Variants in NFIA observed in about 807,000 individuals in gnomAD.
The protein encoded by NFIA is nuclear factor I A.
A neutral mutation model predicts 62.8 loss-of-function variants in NFIA; 8 were observed. The observed-to-expected ratio is 0.13, with a 90% CI of 0.07 to 0.23. The LOEUF (loss-of-function observed/expected upper bound fraction) is 0.23, where lower values mean the gene tolerates loss of function less well. Ranked by LOEUF, NFIA falls within the 10% of genes least tolerant of loss-of-function variation. The probability of loss-of-function intolerance (pLI) is 1.00; values close to 1 mark genes in which losing one functional copy is unlikely to be tolerated. For synonymous variants in NFIA, 235 were observed against 238.1 expected (o/e 0.99, Z 0.12); for missense variants, 410 against 642.1 (o/e 0.64, Z 3.91).
chr1:61,296,345 T>C (rs1659188831), intron 3 of NFIA, among the ~76,000 whole-genome samples: 1 of 152,220 alleles, frequency 6.6e-6, no homozygotes, highest in African/African-American at 2.4e-5. Context: ...ATTGAGTATG[T>C]TCTCCCCATT....
chr1:61,273,568 A>G (rs1657639033), intron 2 of NFIA, among the ~76,000 whole-genome samples: 1 of 152,216 alleles, frequency 6.6e-6, no homozygotes, highest in Non-Finnish European at 1.5e-5. Context: ...GTGGTTCAGT[A>G]TCAGAAAGCT....
intron 3 of NFIA, among the ~76,000 whole-genome samples, chr1:61,299,835 G>C (rs997856790): frequency 6.6e-6 from 1 of 152,134 alleles, no homozygotes. Flanking sequence ...TAAACAGAAA[G>C]AAAGTAACAA....
At chr1:61,188,703 C>G (rs1415900034) in intron 2 of NFIA, among the ~76,000 whole-genome samples, 1 of 152,162 alleles carries the variant, frequency 6.6e-6, no homozygotes, top group African/African-American at 2.4e-5. Context: ...ATGTAGAAAT[C>G]AGTCATTTAG....
At chr1:61,101,181 A>G (rs1646501844) in intron 2 of NFIA, among the ~76,000 whole-genome samples, 2 of 152,052 alleles carry the variant, frequency 1.3e-5, no homozygotes, top group South Asian at 4.1e-4. Flanking sequence ...ACATCACCTG[A>G]GGTCGGGAGT....
At chr1:61,341,264 C>T (rs1236476918) in intron 4 of NFIA, among the ~76,000 whole-genome samples, 2 of 151,806 alleles carry the variant, frequency 1.3e-5, no homozygotes, top group South Asian at 2.1e-4. Context: ...GGGGTTTCAC[C>T]GTGGTCTCGA....
chr1:61,099,240 C>T (rs948570418), intron 2 of NFIA, among the ~76,000 whole-genome samples: 2 of 152,098 alleles, frequency 1.3e-5, no homozygotes, highest in Non-Finnish European at 2.9e-5. Context: ...GCGGTTGAAT[C>T]TTGGAGGTGC....
At chr1:61,198,000 A>G (rs1652157989) in intron 2 of NFIA, among the ~76,000 whole-genome samples, 1 of 152,144 alleles carries the variant, frequency 6.6e-6, no homozygotes, top group Non-Finnish European at 1.5e-5. Flanking sequence ...AAAGAGAGAA[A>G]GAAGAAAGAA....
At chr1:61,183,736 A>G (rs1442780312) in intron 2 of NFIA, among the ~76,000 whole-genome samples, 1 of 152,138 alleles carries the variant, frequency 6.6e-6, no homozygotes, top group African/African-American at 2.4e-5. Context: ...TGCAGTGTTC[A>G]ACTGGTCAGG....
chr1:61,242,035 C>G (rs1655380201), intron 2 of NFIA, among the ~76,000 whole-genome samples: 1 of 152,104 alleles, frequency 6.6e-6, no homozygotes, highest in Non-Finnish European at 1.5e-5. Flanking sequence ...TTATATACAA[C>G]AGGTTTAAGA....
chr1:61,418,419 C>T (rs1295105334), intron 9 of NFIA, among the ~76,000 whole-genome samples: 1 of 151,944 alleles, frequency 6.6e-6, no homozygotes, highest in East Asian at 1.9e-4. Flanking sequence ...ATGTTAAAGC[C>T]ACTGCACTCT....
At chr1:61,441,105 T>C (rs537250665) in intron 10 of NFIA, among the ~76,000 whole-genome samples, 1 of 152,084 alleles carries the variant, frequency 6.6e-6, no homozygotes, top group African/African-American at 2.4e-5. Flanking sequence ...CTGTTATGAG[T>C]GAAGGAAGGG....
intron 2 of NFIA, among the ~76,000 whole-genome samples, chr1:61,188,371 C>G (rs1651359556): frequency 6.6e-6 from 1 of 152,134 alleles, no homozygotes; most frequent in Non-Finnish European, 1.5e-5. Context: ...ACAAAAACAT[C>G]TATTGTGTCA....
At chr1:61,157,687 C>G (rs1467139405) in intron 2 of NFIA, among the ~76,000 whole-genome samples, 2 of 152,166 alleles carry the variant, frequency 1.3e-5, no homozygotes, top group Non-Finnish European at 2.9e-5. Flanking sequence ...TTCTTTTACT[C>G]TGTAACCGGC....
chr1:61,406,811 T>C (rs962343738), intron 9 of NFIA, 84 bp downstream of exon 9: 2 of 1,387,796 alleles, frequency 1.4e-6, no homozygotes, highest in African/African-American at 2.9e-5. Flanking sequence ...CCTCACTGTA[T>C]AGGCTCTAGA....
At chr1:61,347,179 T>TTTTTC (rs1262558243) in intron 4 of NFIA, among the ~76,000 whole-genome samples, 1 of 138,322 alleles carries the variant, frequency 7.2e-6, no homozygotes, top group Non-Finnish European at 1.6e-5. Flanking sequence ...TTTTTTTTTT[T>TTTTTC]TTTTTTTTTT....
intron 2 of NFIA, among the ~76,000 whole-genome samples, chr1:61,257,562 A>T (rs997908316): frequency 7.9e-5 from 12 of 151,178 alleles, no homozygotes; most frequent in African/African-American, 2.9e-4. Flanking sequence ...ATGGTCTCGA[A>T]CTCCTGACCT....
intron 2 of NFIA, among the ~76,000 whole-genome samples, chr1:61,153,958 T>G (rs1648609413): frequency 6.6e-6 from 1 of 152,178 alleles, no homozygotes; most frequent in Non-Finnish European, 1.5e-5. Flanking sequence ...CTCCCTTTAG[T>G]CAAGAGTACT....
intron 2 of NFIA, among the ~76,000 whole-genome samples, chr1:61,268,771 C>T (rs1215568803): frequency 6.6e-6 from 1 of 152,110 alleles, no homozygotes; most frequent in African/African-American, 2.4e-5. Context: ...TTCCCTTTTC[C>T]TGGGAGCTCT....
chr1:61,121,075 A>G (rs185319564), intron 2 of NFIA, among the ~76,000 whole-genome samples: 142 of 152,340 alleles, frequency 9.3e-4, no homozygotes, highest in African/African-American at 3.4e-3. Flanking sequence ...TCAAATTTAA[A>G]GCATTGCATT....
Sources: allele counts gnomAD v4.1 joint callset (sites outside exome capture counted in the v4.1 genomes callset), GRCh38; gene constraint gnomAD v4.1.1; transcripts MANE v1.5; gene names NCBI Gene and HGNC (gene_info 2026-07-23, HGNC 2026-07-21).